Variants in NCKAP5 observed in about 807,000 individuals in gnomAD.
NCKAP5 encodes the protein nck-associated protein 5.
Under a neutral mutation model 167.0 loss-of-function variants are expected in NCKAP5, and 92 were observed. The ratio of observed to expected loss-of-function variants is 0.55; its 90% CI spans 0.47 to 0.66. The LOEUF is 0.66. Ranked by LOEUF, NCKAP5 falls within the 30% of genes least tolerant of loss-of-function variation. The probability of loss-of-function intolerance (pLI) is 0.00; values close to 1 mark genes in which losing one functional copy is unlikely to be tolerated. For synonymous variants in NCKAP5, 891 were observed against 877.4 expected (o/e 1.02, Z -0.27); for missense variants, 2,378 against 2,315.0 (o/e 1.03, Z -0.56).
At chr2:133,278,469 C>T (rs1189404709) in intron 4 of NCKAP5, among the ~76,000 whole-genome samples, 1 of 152,074 alleles carries the variant, frequency 6.6e-6, no homozygotes, top group African/African-American at 2.4e-5. Flanking sequence ...TGCCCACAAC[C>T]AGGAATGGCT....
chr2:133,399,925 T>C (rs113842852), intron 3 of NCKAP5, among the ~76,000 whole-genome samples: 164 of 152,318 alleles, frequency 1.1e-3, no homozygotes, highest in Middle Eastern at 3.4e-3. Context: ...ACCACATTTT[T>C]GGCTCCTATT....
chr2:133,250,193 G>T (rs1452193570), intron 4 of NCKAP5, among the ~76,000 whole-genome samples: 1 of 151,972 alleles, frequency 6.6e-6, no homozygotes, highest in African/African-American at 2.4e-5. Context: ...ATATTCCCCA[G>T]GAAGGAATAC....
chr2:132,789,337 A>G (rs1683859267), intron 13 of NCKAP5, among the ~76,000 whole-genome samples: 1 of 152,194 alleles, frequency 6.6e-6, no homozygotes, highest in Admixed American at 6.5e-5. Flanking sequence ...AGCAATTTTG[A>G]TAATGCAGCA....
intron 8 of NCKAP5, among the ~76,000 whole-genome samples, chr2:132,936,304 C>A (rs1213866102): frequency 6.6e-6 from 1 of 152,132 alleles, no homozygotes; most frequent in East Asian, 1.9e-4. Flanking sequence ...TATATAATTT[C>A]TTTAAAAAGT....
At chr2:133,644,585 T>C in the NCKAP5 span, among the ~76,000 whole-genome samples, 1 of 152,240 alleles carries the variant, frequency 6.6e-6, no homozygotes, top group Non-Finnish European at 1.5e-5. Context: ...TCTGAATTTA[T>C]GGCACTTTTT....
the NCKAP5 span, among the ~76,000 whole-genome samples, chr2:133,673,770 T>C: frequency 2.0e-5 from 3 of 152,214 alleles, no homozygotes; most frequent in East Asian, 3.8e-4. Context: ...CATTAAAGAT[T>C]AATAAAGCAC....
intron 3 of NCKAP5, among the ~76,000 whole-genome samples, chr2:133,467,441 T>A (rs1164495749): frequency 6.6e-6 from 1 of 152,226 alleles, no homozygotes; most frequent in Non-Finnish European, 1.5e-5. Context: ...TTTGCATCAA[T>A]GTTCATCAGG....
intron 3 of NCKAP5, among the ~76,000 whole-genome samples, chr2:133,449,061 C>G (rs897336049): frequency 2.6e-5 from 4 of 152,166 alleles, no homozygotes; most frequent in Admixed American, 2.6e-4. Flanking sequence ...CACTTCCAAG[C>G]TTTTTGTATA....
chr2:132,976,369 C>G (rs941996194), intron 7 of NCKAP5, among the ~76,000 whole-genome samples: 8 of 152,148 alleles, frequency 5.3e-5, no homozygotes, highest in Admixed American at 5.2e-4. Flanking sequence ...TCAAGACCAG[C>G]TTGGCCAACA....
intron 2 of NCKAP5, among the ~76,000 whole-genome samples, chr2:133,529,148 T>G (rs1054030021): frequency 1.3e-5 from 2 of 152,158 alleles, no homozygotes; most frequent in African/African-American, 4.8e-5. Flanking sequence ...TTTTTTATTT[T>G]GTAAAAAACA....
chr2:133,469,275 A>T (rs1211109394), intron 3 of NCKAP5, among the ~76,000 whole-genome samples: 2 of 151,978 alleles, frequency 1.3e-5, no homozygotes, highest in Non-Finnish European at 2.9e-5. Context: ...TATGAAGCTT[A>T]GTTTGGCTGG....
intron 6 of NCKAP5, among the ~76,000 whole-genome samples, chr2:133,063,351 C>G (rs545324538): frequency 6.6e-6 from 1 of 152,286 alleles, no homozygotes; most frequent in South Asian, 2.1e-4. Context: ...ACAGGGCACT[C>G]AATTTATTAT....
At chr2:133,015,359 CTT>C in intron 6 of NCKAP5, among the ~76,000 whole-genome samples, 1 of 151,226 alleles carries the variant, frequency 6.6e-6, no homozygotes, top group South Asian at 2.1e-4. Context: ...GAACCGAACT[CTT>C]TTTTTTTTCT....
the NCKAP5 span, among the ~76,000 whole-genome samples, chr2:133,665,995 A>G: frequency 6.6e-6 from 1 of 151,742 alleles, no homozygotes; most frequent in Non-Finnish European, 1.5e-5. Context: ...ATTCAGCAAT[A>G]CAAAAATGTA....
At chr2:132,909,761 C>G (rs1422363377) in intron 8 of NCKAP5, among the ~76,000 whole-genome samples, 1 of 152,194 alleles carries the variant, frequency 6.6e-6, no homozygotes, top group East Asian at 1.9e-4. Flanking sequence ...CTAGCTTTGT[C>G]ATTTATGGCT....
At chr2:133,139,603 T>C (rs914623809) in intron 5 of NCKAP5, among the ~76,000 whole-genome samples, 1 of 152,174 alleles carries the variant, frequency 6.6e-6, no homozygotes, top group Non-Finnish European at 1.5e-5. Context: ...GGAGTATCAG[T>C]AGATTTTGAG....
chr2:133,178,008 T>C (rs192453464), intron 5 of NCKAP5, among the ~76,000 whole-genome samples: 7 of 152,140 alleles, frequency 4.6e-5, no homozygotes, highest in South Asian at 2.1e-4. Flanking sequence ...CCCATCCCAA[T>C]AGGGGTGCAG....
At chr2:133,414,833 TG>T (rs1476362706) in intron 3 of NCKAP5, among the ~76,000 whole-genome samples, 7 of 152,218 alleles carry the variant, frequency 4.6e-5, no homozygotes, top group African/African-American at 1.7e-4. Context: ...GGAGAAAGCA[TG>T]GTATTTTTAC....
intron 7 of NCKAP5, among the ~76,000 whole-genome samples, chr2:132,978,019 C>T (rs188835779): frequency 6.6e-6 from 1 of 151,926 alleles, no homozygotes; most frequent in Non-Finnish European, 1.5e-5. Flanking sequence ...AGCTACTTGG[C>T]GAAGACAGCT....
Sources: allele counts gnomAD v4.1 joint callset (sites outside exome capture counted in the v4.1 genomes callset), GRCh38; gene constraint gnomAD v4.1.1; transcripts MANE v1.5; gene names NCBI Gene and HGNC (gene_info 2026-07-23, HGNC 2026-07-21).